The following GPR176 variants were observed in gnomAD, a reference collection of about 807,000 sequenced individuals.
The protein encoded by GPR176 is G-protein coupled receptor 176.
A neutral mutation model predicts 35.4 loss-of-function variants in GPR176; 26 were observed. The ratio of observed to expected loss-of-function variants is 0.74; its 90% CI spans 0.54 to 1.02. The LOEUF is 1.02. Ranked by LOEUF, GPR176 falls within the 50% of genes least tolerant of loss-of-function variation. GPR176 has a pLI of 0.00. For synonymous variants in GPR176, 278 were observed against 271.3 expected, an observed-to-expected ratio of 1.02 and a Z score of -0.24; for missense variants, 597 against 665.3, an observed-to-expected ratio of 0.90 and a Z score of 1.13.
intron 1 of GPR176, among the ~76,000 whole-genome samples, chr15:39,842,081 A>C (rs1343458149): frequency 6.6e-6 from 1 of 152,092 alleles, no homozygotes; most frequent in African/African-American, 2.4e-5. Flanking sequence ...ATATGTTGAA[A>C]GCTAATCCCC....
At chr15:39,913,976 G>A (rs1394447689) in intron 1 of GPR176, among the ~76,000 whole-genome samples, 1 of 152,152 alleles carries the variant, frequency 6.6e-6, no homozygotes, top group Non-Finnish European at 1.5e-5. Context: ...AACCTGGGAG[G>A]CGGACCTCGC....
intron 1 of GPR176, among the ~76,000 whole-genome samples, chr15:39,869,152 TAAAA>T (rs66463189): frequency 1.8e-4 from 24 of 129,998 alleles, no homozygotes; most frequent in East Asian, 4.3e-4. Flanking sequence ...AACTGCTTTT[TAAAA>T]AAAAAAAAAA....
At chr15:39,914,717 T>A (rs2033681629) in intron 1 of GPR176, among the ~76,000 whole-genome samples, 1 of 152,224 alleles carries the variant, frequency 6.6e-6, no homozygotes, top group South Asian at 2.1e-4. Context: ...TGGCTGTAAG[T>A]ATTGTTAACT....
chr15:39,913,262 G>A (rs1026221006), intron 1 of GPR176, among the ~76,000 whole-genome samples: 75 of 152,262 alleles, frequency 4.9e-4, no homozygotes, highest in African/African-American at 1.6e-3. Context: ...ACAGAAAGTA[G>A]GGCCAGGCCT....
At chr15:39,856,296 T>G (rs1384116574) in intron 1 of GPR176, among the ~76,000 whole-genome samples, 1 of 152,250 alleles carries the variant, frequency 6.6e-6, no homozygotes, top group East Asian at 1.9e-4. Context: ...CTCAATTATG[T>G]CATTTATTTG....
At position 39,800,596 on chromosome 15, in the gene GPR176, G is replaced by C. The variant is rs1232418462; in HGVS notation, c.*536C>G. 1.9e-5 allele frequency: 3 copies of C among 156,212 alleles called. No individual in the cohort carries two copies. The highest frequency in any genetic ancestry group is 7.2e-5 in the African/African-American group (3 of 41,454). 9.7% of individuals were successfully genotyped at this position (156,212 alleles called of 1,614,324 possible). On this transcript the variant is annotated 3_prime_UTR_variant, in exon 3 of 3. Transcript: ENST00000561100. The stretch of plus-strand genomic sequence containing the variant: ...CGAAGGGTATCAGGAGAAACAGTGA[G>C]TCATATGACTGGGGCTTCCAGAGAA...
chr15:39,904,841 G>A (rs1329228851), intron 1 of GPR176, among the ~76,000 whole-genome samples: 1 of 152,198 alleles, frequency 6.6e-6, no homozygotes, highest in African/African-American at 2.4e-5. Flanking sequence ...ACCTGCACAG[G>A]TAAACAGGCT....
chr15:39,812,768 G>T (rs1359458058), intron 1 of GPR176, among the ~76,000 whole-genome samples: 3 of 149,254 alleles, frequency 2.0e-5, no homozygotes, highest in African/African-American at 7.4e-5. Context: ...TTGAGACAGG[G>T]TCTTGCTCTG....
chr15:39,805,116 T>C (rs1899111270), intron 2 of GPR176, among the ~76,000 whole-genome samples: 1 of 152,226 alleles, frequency 6.6e-6, no homozygotes, highest in Non-Finnish European at 1.5e-5. Flanking sequence ...GTCCAGAATA[T>C]CAAACTGAAG....
At chr15:39,903,583 G>GTTT (rs34778665) in intron 1 of GPR176, among the ~76,000 whole-genome samples, 1 of 148,572 alleles carries the variant, frequency 6.7e-6, no homozygotes, top group Non-Finnish European at 1.5e-5. Context: ...CATATGTGAG[G>GTTT]TTTTTTTTTT....
chr15:39,919,579 C>T (rs1025783578), intron 1 of GPR176, among the ~76,000 whole-genome samples: 1 of 152,176 alleles, frequency 6.6e-6, no homozygotes, highest in African/African-American at 2.4e-5. Flanking sequence ...AGCATTCCGC[C>T]GGGGCCATCT....
intron 1 of GPR176, among the ~76,000 whole-genome samples, chr15:39,888,862 T>G (rs950030877): frequency 1.3e-5 from 2 of 152,184 alleles, no homozygotes; most frequent in African/African-American, 4.8e-5. Flanking sequence ...GGTAATTGTT[T>G]GCGATAAACA....
In GPR176 at chr15:39,850,333, G is replaced by A. The variant is rs749308842; in HGVS notation, c.173-43075C>T. On this transcript the variant is annotated intron_variant, in intron 1 of 2. Coordinates refer to ENST00000561100, the MANE Select transcript of GPR176 (RefSeq NM_007223.3). The stretch of plus-strand genomic sequence containing the variant: ...GCCACCATCATATATGTGGTCCATC[G>A]CTGACTGAGCTTTGCTAAGCACATG... 9.9e-5 allele frequency among the ~76,000 whole-genome samples: 15 copies of A among 152,252 alleles called. No homozygotes were observed. In the South Asian group the frequency reaches 1.7e-3, roughly 17 times the overall value.
At chr15:39,897,060 A>C (rs2033134959) in intron 1 of GPR176, among the ~76,000 whole-genome samples, 1 of 152,336 alleles carries the variant, frequency 6.6e-6, no homozygotes, top group Non-Finnish European at 1.5e-5. Flanking sequence ...AATGCAACAC[A>C]AACCAAGAGA....
At chr15:39,913,315 T>C (rs990882178) in intron 1 of GPR176, among the ~76,000 whole-genome samples, 1 of 151,844 alleles carries the variant, frequency 6.6e-6, no homozygotes, top group African/African-American at 2.4e-5. Context: ...GAAGCTGAGG[T>C]TGACGGATTG....
At chr15:39,859,466 TCATGTC>T in intron 1 of GPR176, among the ~76,000 whole-genome samples, 1 of 147,910 alleles carries the variant, frequency 6.8e-6, no homozygotes, top group African/African-American at 2.5e-5. Context: ...AGCTATCACC[TCATGTC>T]CATTAGGATG....
At chr15:39,842,336 T>G (rs2030063285) in intron 1 of GPR176, among the ~76,000 whole-genome samples, 1 of 152,038 alleles carries the variant, frequency 6.6e-6, no homozygotes, top group South Asian at 2.1e-4. Context: ...AACCAGATCT[T>G]GGGAGAACTC....
At chr15:39,858,003 A>G (rs1206545383) in intron 1 of GPR176, among the ~76,000 whole-genome samples, 1 of 151,116 alleles carries the variant, frequency 6.6e-6, no homozygotes, top group East Asian at 1.9e-4. Context: ...AAGAAAAAAG[A>G]AAAAAAAGGA....
At chr15:39,803,259 T>A (rs1313558882) in intron 2 of GPR176, among the ~76,000 whole-genome samples, 6 of 140,584 alleles carry the variant, frequency 4.3e-5, no homozygotes, top group African/African-American at 1.5e-4. Flanking sequence ...AGCTTTCAGA[T>A]AACAAGTACT....
Sources: allele counts gnomAD v4.1 joint callset (sites outside exome capture counted in the v4.1 genomes callset), GRCh38; gene constraint gnomAD v4.1.1; transcripts MANE v1.5; gene names NCBI Gene and HGNC (gene_info 2026-07-23, HGNC 2026-07-21).